Variants in BCAP29 observed in about 807,000 individuals in gnomAD.
BCAP29 encodes the protein B-cell receptor-associated protein 29.
A neutral mutation model predicts 31.8 loss-of-function variants in BCAP29; 34 were observed. That is an observed-to-expected ratio of 1.07 (90% CI 0.81 to 1.42). The LOEUF (loss-of-function observed/expected upper bound fraction) is 1.42. Ranked by LOEUF, BCAP29 falls within the 40% of genes most tolerant of loss-of-function variation. The probability of loss-of-function intolerance (pLI) is 0.00; values close to 1 mark genes in which losing one functional copy is unlikely to be tolerated. For missense variants in BCAP29, 314 were observed against 269.2 expected, an observed-to-expected ratio of 1.17 and a Z score of -1.16; for synonymous variants, 104 against 91.3, an observed-to-expected ratio of 1.14 and a Z score of -0.79.
chr7:107,587,142 G>C (rs1042411886), intron 3 of BCAP29, among the ~76,000 whole-genome samples: 1 of 152,190 alleles, frequency 6.6e-6, no homozygotes, highest in Admixed American at 6.6e-5. Flanking sequence ...GTAAGAGACA[G>C]AATGGAAGTG....
intron 6 of BCAP29, among the ~76,000 whole-genome samples, chr7:107,604,981 G>A (rs1811820947): frequency 6.6e-6 from 1 of 152,052 alleles, no homozygotes; most frequent in Non-Finnish European, 1.5e-5. Context: ...GTTCATCTCT[G>A]TGTTATCTTC....
chr7:107,608,359 TA>T lies in BCAP29; in HGVS notation c.590-4971del, dbSNP rs761005008. On this transcript the variant is annotated intron_variant, in intron 6 of 7. Coordinates refer to ENST00000005259, the MANE Select transcript of BCAP29 (RefSeq NM_018844.4). Reference sequence around the variant, plus strand: ...TTATTTTATAATTTGGGTTATAATTTAATACTACTTTAGTTTATTGTTCAGG... The same window carrying T: ...TTATTTTATAATTTGGGTTATAATTTATACTACTTTAGTTTATTGTTCAGG... 3.9e-5 allele frequency among the ~76,000 whole-genome samples: 6 copies of T among 152,236 alleles called. 1 individual carries two copies.
chr7:107,612,414 TATATATATATATATATATATATA>T (rs1563141307), intron 6 of BCAP29, among the ~76,000 whole-genome samples: 7 of 121,318 alleles, frequency 5.8e-5, no homozygotes, highest in Admixed American at 8.2e-5. Flanking sequence ...TATATATATA[TATATATATATATATATATATATA>T]TATTTATTTT....
At chr7:107,603,463 A>G (rs1260193953) in intron 6 of BCAP29, 1 of 151,892 alleles carries the variant, frequency 6.6e-6, no homozygotes, top group African/African-American at 2.4e-5. Context: ...GGGCTTGCCA[A>G]TCTTGTAGTA....
At chr7:107,609,992 T>C (rs1426457196) in intron 6 of BCAP29, among the ~76,000 whole-genome samples, 1 of 152,220 alleles carries the variant, frequency 6.6e-6, no homozygotes, top group Non-Finnish European at 1.5e-5. Context: ...TGGCAGTGTT[T>C]CTATCTCTGG....
chr7:107,621,431 A>G (rs781327873), downstream of BCAP29: 1 of 220,786 alleles, frequency 4.5e-6, no homozygotes, highest in Non-Finnish European at 9.1e-6. Flanking sequence ...TACTTGCACC[A>G]GAAATGATTT....
chr7:107,621,564 A>G, downstream of BCAP29: 1 of 380,314 alleles, frequency 2.6e-6, no homozygotes, highest in Admixed American at 3.5e-5. Context: ...TAAAGTCTTG[A>G]GATGGAGAGA....
At chr7:107,622,692 A>T (rs184999321), downstream of BCAP29, 7 of 152,376 alleles carry the variant, frequency 4.6e-5, no homozygotes, top group Admixed American at 3.9e-4. Context: ...TGAGGGGAAC[A>T]TTTAGCAATA....
At chr7:107,601,315 C>G (rs1425060426) in intron 6 of BCAP29, among the ~76,000 whole-genome samples, 3 of 151,908 alleles carry the variant, frequency 2.0e-5, no homozygotes, top group Non-Finnish European at 4.4e-5. Context: ...TGTTAAGGTA[C>G]GTTGTTTGGA....
At chr7:107,614,862 A>G (rs551604264) in intron 7 of BCAP29, among the ~76,000 whole-genome samples, 3 of 152,264 alleles carry the variant, frequency 2.0e-5, no homozygotes, top group Non-Finnish European at 2.9e-5. Flanking sequence ...AGACCCTAAA[A>G]TTGCTGACCT....
At chr7:107,614,539 T>A (rs145516675) in intron 7 of BCAP29, among the ~76,000 whole-genome samples, 1 of 152,318 alleles carries the variant, frequency 6.6e-6, no homozygotes, top group East Asian at 1.9e-4. Context: ...ATAGGTATTA[T>A]CATCATCATC....
chr7:107,602,964 CTTTTTTTTTTTTTTTTTTTTTTTT>C (rs1811424442), intron 6 of BCAP29, among the ~76,000 whole-genome samples: 1 of 68,300 alleles, frequency 1.5e-5, no homozygotes, highest in South Asian at 8.0e-4. Context: ...TTCTTTTATT[CTTTTTTTTTTTTTTTTTTTTTTTT>C]GAGATGAAGT....
downstream of BCAP29, chr7:107,622,660 A>G (rs956740365): frequency 2.0e-5 from 3 of 152,356 alleles, no homozygotes; most frequent in Non-Finnish European, 4.4e-5. Context: ...GTAGTTCTCA[A>G]CAGGAAGTGA....
At chr7:107,597,139 A>T (rs1464242064) in intron 5 of BCAP29, among the ~76,000 whole-genome samples, 1 of 152,244 alleles carries the variant, frequency 6.6e-6, no homozygotes, top group Non-Finnish European at 1.5e-5. Context: ...GCCATAAGTG[A>T]GAATATAAAA....
At chr7:107,584,851 C>G (rs1279661109) in intron 3 of BCAP29, among the ~76,000 whole-genome samples, 1 of 152,154 alleles carries the variant, frequency 6.6e-6, no homozygotes, top group Admixed American at 6.5e-5. Context: ...ACCTATATAG[C>G]CTGTGGGCCA....
intron 3 of BCAP29, among the ~76,000 whole-genome samples, chr7:107,591,879 A>G (rs74628384): frequency 6.6e-6 from 1 of 152,158 alleles, no homozygotes; most frequent in Non-Finnish European, 1.5e-5. Context: ...CTAAAAATAC[A>G]GGAGTTAGAG....
chr7:107,599,380 C>T (rs1486917494), intron 5 of BCAP29, among the ~76,000 whole-genome samples: 4 of 116,418 alleles, frequency 3.4e-5, no homozygotes, highest in Admixed American at 1.8e-4. Flanking sequence ...ATTAGCCTGC[C>T]ATGGTGGCAC....
In BCAP29 at chr7:107,618,468, A is replaced by AT. The variant is rs752840337; in HGVS notation, c.*112dup. 5 of 1,613,048 alleles carry AT rather than the reference A, an allele frequency of 3.1e-6. No homozygotes were observed. In the South Asian group the frequency reaches 5.5e-5, roughly 18 times the overall value. On this transcript the variant is annotated 3_prime_UTR_variant, in exon 8 of 8. Transcript: ENST00000005259. The stretch of plus-strand genomic sequence containing the variant: ...AAAAATGCACTATGACCGGTTCGTA[A>AT]TTTTTTTAATGCCACACATAGGTTG...
At chr7:107,593,541 A>G (rs1809261000) in intron 3 of BCAP29, among the ~76,000 whole-genome samples, 1 of 152,242 alleles carries the variant, frequency 6.6e-6, no homozygotes. Flanking sequence ...AATATGTAAT[A>G]AAATGCTAGT....
Sources: gnomAD v4.1 joint callset for allele counts (sites outside exome capture counted in the v4.1 genomes callset) on GRCh38, gnomAD v4.1.1 for gene constraint, MANE v1.5 for transcripts, NCBI Gene and HGNC (gene_info 2026-07-23, HGNC 2026-07-21) for gene names.